The following VPS54 variants were observed in gnomAD, a reference collection of about 807,000 sequenced individuals.
VPS54 encodes the protein vacuolar protein sorting-associated protein 54.
In VPS54, 45 loss-of-function variants were observed where a neutral mutation model predicts 121.5. The observed-to-expected ratio is 0.37, with a 90% CI of 0.29 to 0.47. VPS54 has a LOEUF of 0.47. VPS54 is among the 20% of genes least tolerant of loss of function. VPS54 has a pLI of 0.99. For synonymous variants in VPS54, 371 were observed against 385.8 expected (o/e 0.96, Z 0.45); for missense variants, 1,090 against 1,131.4 (o/e 0.96, Z 0.52).
chr2:63,979,156 C>A (rs955240724), intron 3 of VPS54, among the ~76,000 whole-genome samples: 2 of 151,740 alleles, frequency 1.3e-5, no homozygotes, highest in African/African-American at 4.8e-5. Flanking sequence ...TTTATCTTCT[C>A]AAAGAATCAG....
intron 3 of VPS54, among the ~76,000 whole-genome samples, chr2:63,980,168 T>C (rs1676742730): frequency 6.6e-6 from 1 of 152,188 alleles, no homozygotes; most frequent in African/African-American, 2.4e-5. Context: ...CTGTAATGTC[T>C]TCTTGGTTAG....
chr2:63,915,151 CAAAAAAAAAAAAAA>C lies in VPS54; in HGVS notation c.2229-878_2229-865del, dbSNP rs5831674. ...GGGCAACAAGAGCAAAGCTCCGTCT[CAAAAAAAAAAAAAA>C]AAAAAAAAAAAAAGTTTTCCGAAGA... On this transcript the variant is annotated intron_variant, in intron 16 of 22. Transcript: ENST00000272322. 4.6e-4 allele frequency among the ~76,000 whole-genome samples: 11 copies of C among 23,850 alleles called. No individual in the cohort carries two copies. The Admixed American group carries it at 5.7e-3, about 12-fold the overall frequency. The allele number at this position is 23,850 out of a possible 152,430, so 15.6% of individuals were successfully genotyped here.
intron 1 of VPS54, among the ~76,000 whole-genome samples, chr2:63,989,411 G>A (rs891269201): frequency 1.3e-5 from 2 of 152,176 alleles, no homozygotes; most frequent in Non-Finnish European, 2.9e-5. Context: ...CTGCTGACAT[G>A]TGATGTCTCC....
chr2:63,902,906 C>G (rs1006771228), intron 20 of VPS54, among the ~76,000 whole-genome samples: 8 of 152,094 alleles, frequency 5.3e-5, no homozygotes, highest in Admixed American at 3.3e-4. Context: ...AGGTGGAGGT[C>G]ACAGTGAGCT....
intron 12 of VPS54, among the ~76,000 whole-genome samples, chr2:63,932,073 T>C (rs1674235677): frequency 6.6e-6 from 1 of 152,166 alleles, no homozygotes; most frequent in South Asian, 2.1e-4. Context: ...GTTAATTAGT[T>C]CAACCATTGT....
intron 7 of VPS54, among the ~76,000 whole-genome samples, chr2:63,949,367 G>T (rs1675133700): frequency 6.6e-6 from 1 of 151,982 alleles, no homozygotes; most frequent in African/African-American, 2.4e-5. Context: ...CTTTACAGTT[G>T]ACCCTTGAAC....
At chr2:63,959,599 A>G (rs907046943) in intron 7 of VPS54, among the ~76,000 whole-genome samples, 1 of 152,204 alleles carries the variant, frequency 6.6e-6, no homozygotes, top group Non-Finnish European at 1.5e-5. Context: ...AATCATAAAC[A>G]TTTTTGGCCG....
chr2:63,973,595 T>C (rs1393142141), intron 3 of VPS54, among the ~76,000 whole-genome samples: 2 of 152,218 alleles, frequency 1.3e-5, no homozygotes, highest in African/African-American at 4.8e-5. Flanking sequence ...CTAGTTCTGT[T>C]GCCCAGGCTG....
Position 63,892,625 on chromosome 2 carries a change from C to A in VPS54, c.*805G>T, listed in dbSNP as rs1370305389. On this transcript the variant is annotated 3_prime_UTR_variant, in exon 23 of 23. Coordinates refer to ENST00000272322, the MANE Select transcript of VPS54 (RefSeq NM_016516.3). The stretch of plus-strand genomic sequence containing the variant: ...CTTACCTCTGCTACAAATAAAAACA[C>A]CCCAAACCCTTCATCATACTTTTAT... The A allele has an allele frequency of 6.6e-6, 1 of 152,520 alleles. No homozygotes were observed. The highest frequency in any genetic ancestry group is 6.6e-5 in the Admixed American group (1 of 15,256). The allele number at this position is 152,520 out of a possible 1,614,324, so 9.4% of individuals were successfully genotyped here. A position where few individuals can be genotyped will look rare whatever the true frequency, so the allele number is the denominator to read the frequency against.
At chr2:63,928,458 T>C (rs1674021674) in intron 12 of VPS54, among the ~76,000 whole-genome samples, 1 of 152,164 alleles carries the variant, frequency 6.6e-6, no homozygotes, top group Admixed American at 6.5e-5. Context: ...AAGCAAATGC[T>C]GAGAGATTTT....
intron 16 of VPS54, among the ~76,000 whole-genome samples, chr2:63,914,828 T>C (rs1286179120): frequency 6.6e-6 from 1 of 151,872 alleles, no homozygotes; most frequent in Non-Finnish European, 1.5e-5. Context: ...AAGAATTTTA[T>C]TGGTAGGTCA....
chr2:63,982,804 AG>A (rs1373253211), intron 2 of VPS54, among the ~76,000 whole-genome samples: 1 of 152,228 alleles, frequency 6.6e-6, no homozygotes, highest in Non-Finnish European at 1.5e-5. Context: ...GACCACAAAA[AG>A]AACATTAGTT....
chr2:63,990,789 T>C (rs1677282021), intron 1 of VPS54, among the ~76,000 whole-genome samples: 1 of 152,188 alleles, frequency 6.6e-6, no homozygotes, highest in Admixed American at 6.5e-5. Flanking sequence ...GAACCTCCTA[T>C]CTTCCAAAGG....
At position 63,981,681 on chromosome 2, in the gene VPS54, C is replaced by T. The variant is rs779149704; in HGVS notation, c.343G>A (p.Glu115Lys). The change falls in exon 3 of 23, where the codon GAA becomes AAA. Residue 115 changes from glutamate (E) to lysine (K), a missense_variant. Coordinates refer to ENST00000272322, the MANE Select transcript of VPS54 (RefSeq NM_016516.3). ...PSFYLPQISK[E>K]HFTVYQQEIS... ...TCCTGTTGATATACTGTAAAATGTTCCTTGCTGATCTGTGGGAGGTAGAAT... is the reference window on the plus strand; with the variant it reads ...TCCTGTTGATATACTGTAAAATGTTTCTTGCTGATCTGTGGGAGGTAGAAT... The T allele has an allele frequency of 6.2e-7, 1 of 1,608,492 alleles. No homozygotes were observed. The highest frequency in any genetic ancestry group is 8.5e-7 in the Non-Finnish European group (1 of 1,176,938).
intron 20 of VPS54, among the ~76,000 whole-genome samples, chr2:63,905,236 G>A (rs1010120799): frequency 6.6e-6 from 1 of 152,180 alleles, no homozygotes; most frequent in East Asian, 1.9e-4. Context: ...AGCAGAAAAA[G>A]AGCAGGAAAT....
chr2:63,985,290 G>A (rs1676995443), intron 1 of VPS54, among the ~76,000 whole-genome samples: 1 of 152,130 alleles, frequency 6.6e-6, no homozygotes, highest in Non-Finnish European at 1.5e-5. Flanking sequence ...CTATACTCCA[G>A]CCTGGGCAAC....
At chr2:64,009,847 C>CTT (rs11354356) in intron 1 of VPS54, among the ~76,000 whole-genome samples, 8 of 141,688 alleles carry the variant, frequency 5.6e-5, no homozygotes, top group East Asian at 2.0e-4. Flanking sequence ...ATAATTGACC[C>CTT]TTTTTTTTTT....
chr2:63,914,770 T>C (rs1673302306), intron 16 of VPS54, among the ~76,000 whole-genome samples: 2 of 149,888 alleles, frequency 1.3e-5, no homozygotes, highest in African/African-American at 2.5e-5. Flanking sequence ...CTTAGTGAGA[T>C]GGAAAAAAAA....
At chr2:63,941,889 C>T (rs1185638810) in intron 11 of VPS54, among the ~76,000 whole-genome samples, 1 of 151,872 alleles carries the variant, frequency 6.6e-6, no homozygotes, top group Non-Finnish European at 1.5e-5. Flanking sequence ...CAAAAATTAG[C>T]CAGGCGTGGT....
Sources: allele counts gnomAD v4.1 joint callset (sites outside exome capture counted in the v4.1 genomes callset), GRCh38; gene constraint gnomAD v4.1.1; transcripts MANE v1.5; gene names NCBI Gene and HGNC (gene_info 2026-07-23, HGNC 2026-07-21).